REEP1: variants seen among roughly 807,000 people sequenced by gnomAD.
REEP1 encodes the protein receptor expression-enhancing protein 1.
A neutral mutation model predicts 40.3 loss-of-function variants in REEP1; 22 were observed. That is an observed-to-expected ratio of 0.55 (90% CI 0.39 to 0.78). REEP1 has a LOEUF of 0.78. REEP1 is among the 30% of genes least tolerant of loss of function. The probability of loss-of-function intolerance (pLI) is 0.00; values close to 1 mark genes in which losing one functional copy is unlikely to be tolerated. For synonymous variants in REEP1, 116 were observed against 139.2 expected, an observed-to-expected ratio of 0.83 and a Z score of 1.17; for missense variants, 280 against 361.1, an observed-to-expected ratio of 0.78 and a Z score of 1.82.
chr2:86,224,655 C>A (rs1447285663), intron 7 of REEP1, among the ~76,000 whole-genome samples: 1 of 152,226 alleles, frequency 6.6e-6, no homozygotes, highest in Non-Finnish European at 1.5e-5. Flanking sequence ...CCAGGCCTCA[C>A]CTGCTTCCCG....
intron 7 of REEP1, among the ~76,000 whole-genome samples, chr2:86,220,889 T>C (rs1003294494): frequency 1.3e-5 from 2 of 152,212 alleles, no homozygotes; most frequent in Non-Finnish European, 2.9e-5. Context: ...TTTTTAAATG[T>C]TAAATGCTAA....
chr2:86,335,781 G>T (rs1455438048), intron 1 of REEP1, among the ~76,000 whole-genome samples: 1 of 151,032 alleles, frequency 6.6e-6, no homozygotes, highest in African/African-American at 2.4e-5. Context: ...CCCAGGAGGC[G>T]GAGGCTTCAG....
At chr2:86,263,854 G>A (rs552648751) in intron 3 of REEP1, 111 bp downstream of exon 3, 7 of 795,122 alleles carry the variant, frequency 8.8e-6, no homozygotes, top group East Asian at 2.5e-5. Context: ...CTGCTCTTGC[G>A]TCTCTGGCCT....
intron 7 of REEP1, among the ~76,000 whole-genome samples, chr2:86,221,965 T>G (rs940632405): frequency 5.9e-5 from 9 of 152,054 alleles, no homozygotes; most frequent in Non-Finnish European, 7.4e-5. Flanking sequence ...GACATGGAAG[T>G]GGGGTGGGTA....
At chr2:86,225,477 G>A (rs1050667946) in intron 7 of REEP1, among the ~76,000 whole-genome samples, 7 of 152,152 alleles carry the variant, frequency 4.6e-5, no homozygotes, top group African/African-American at 1.4e-4. Context: ...CTCCATGTTC[G>A]TCAGGCTGGT....
intron 6 of REEP1, among the ~76,000 whole-genome samples, chr2:86,228,260 G>C (rs932760021): frequency 2.0e-5 from 3 of 152,156 alleles, no homozygotes; most frequent in Non-Finnish European, 4.4e-5. Flanking sequence ...CATTTACAGA[G>C]GGAAGCACAG....
At chr2:86,322,451 G>C (rs1330878518) in intron 1 of REEP1, among the ~76,000 whole-genome samples, 2 of 152,086 alleles carry the variant, frequency 1.3e-5, no homozygotes, top group African/African-American at 2.4e-5. Flanking sequence ...CACCATCACA[G>C]CTCACTGCAG....
At chr2:86,237,160 T>A (rs1198757712) in intron 5 of REEP1, among the ~76,000 whole-genome samples, 1 of 152,214 alleles carries the variant, frequency 6.6e-6, no homozygotes, top group Non-Finnish European at 1.5e-5. Context: ...CTCCCTGGCA[T>A]AACTGGACAA....
intron 2 of REEP1, among the ~76,000 whole-genome samples, chr2:86,277,459 G>C (rs1194300749): frequency 1.3e-5 from 2 of 151,956 alleles, no homozygotes; most frequent in African/African-American, 4.8e-5. Flanking sequence ...GGGAGGCTGA[G>C]GCAGGAGAAT....
chr2:86,254,546 C>A, intron 4 of REEP1, 148 bp downstream of exon 4: 2 of 747,532 alleles, frequency 2.7e-6, no homozygotes, highest in South Asian at 3.5e-5. Context: ...CTCAGAAATA[C>A]ACTTAAAAAA....
At chr2:86,234,508 GC>G (rs1675197842) in intron 5 of REEP1, among the ~76,000 whole-genome samples, 1 of 151,932 alleles carries the variant, frequency 6.6e-6, no homozygotes, top group Admixed American at 6.6e-5. Context: ...ACAGAGTGAG[GC>G]CCTGTCTCAA....
intron 3 of REEP1, among the ~76,000 whole-genome samples, chr2:86,262,834 T>G (rs1676936789): frequency 6.6e-6 from 1 of 152,272 alleles, no homozygotes; most frequent in African/African-American, 2.4e-5. Flanking sequence ...CATTCACATG[T>G]GCACACACTC....
chr2:86,261,071 A>G (rs1050862497), intron 3 of REEP1, among the ~76,000 whole-genome samples: 2 of 152,230 alleles, frequency 1.3e-5, no homozygotes, highest in African/African-American at 4.8e-5. Context: ...CACAGCCATC[A>G]TTAGATAGGA....
At chr2:86,267,354 G>A (rs1313804406) in intron 2 of REEP1, among the ~76,000 whole-genome samples, 1 of 152,166 alleles carries the variant, frequency 6.6e-6, no homozygotes, top group Non-Finnish European at 1.5e-5. Context: ...ACCTTGTGAA[G>A]AAGGTGCCTG....
chr2:86,323,443 A>G (rs746490551), intron 1 of REEP1, among the ~76,000 whole-genome samples: 4 of 152,170 alleles, frequency 2.6e-5, no homozygotes, highest in Non-Finnish European at 4.4e-5. Context: ...GCACAGCAGG[A>G]GGTGAGCAGC....
chr2:86,247,153 A>C (rs1446628791), intron 5 of REEP1, among the ~76,000 whole-genome samples: 1 of 152,058 alleles, frequency 6.6e-6, no homozygotes, highest in Non-Finnish European at 1.5e-5. Context: ...GTTAGGAGAC[A>C]GGTACCATGT....
intron 7 of REEP1, 30 bp from the exon 8 acceptor site, chr2:86,220,151 G>A (rs1381252237): frequency 8.2e-7 from 1 of 1,224,840 alleles, no homozygotes; most frequent in Non-Finnish European, 1.0e-6. Context: ...CTACACAGAT[G>A]AGACAAGGTA....
chr2:86,248,586 G>T (rs34705107), intron 5 of REEP1, among the ~76,000 whole-genome samples: 54,928 of 151,832 alleles, frequency 0.36, 11,989 homozygotes, highest in East Asian at 0.59. Flanking sequence ...AGGTAGCTGG[G>T]ACTATAGGCA....
In REEP1 at chr2:86,226,911, G is replaced by C. The variant is rs186540578; in HGVS notation, c.631+452C>G. 2.2e-3 allele frequency among the ~76,000 whole-genome samples: 334 copies of C among 152,268 alleles called. 3 individuals carry two copies. The highest frequency in any genetic ancestry group is 7.7e-3 in the African/African-American group (318 of 41,546). On this transcript the variant is annotated intron_variant, in intron 7 of 8. Transcript: ENST00000538924. ...AAATAGAATAAGGCAGAAGTGATGA[G>C]TGTGACTTCAAAACCTAGGACAGAA...
Sources: gnomAD v4.1 joint callset for allele counts (sites outside exome capture counted in the v4.1 genomes callset) on GRCh38, gnomAD v4.1.1 for gene constraint, MANE v1.5 for transcripts, NCBI Gene and HGNC (gene_info 2026-07-23, HGNC 2026-07-21) for gene names.